Variants in PPIE observed in about 807,000 individuals in gnomAD.
The protein encoded by PPIE is peptidylprolyl isomerase E, also known as peptidyl-prolyl cis-trans isomerase E.
PPIE carries 20 observed loss-of-function variants against 38.4 expected under a neutral mutation model. The observed-to-expected ratio is 0.52, with a 90% confidence interval of 0.37 to 0.76. The LOEUF is 0.76. PPIE is among the 30% of genes least tolerant of loss of function. PPIE has a pLI of 0.00. For synonymous variants in PPIE, 142 were observed against 135.7 expected (o/e 1.05, Z -0.32); for missense variants, 322 against 385.8 (o/e 0.83, Z 1.39).
intron 7 of PPIE, chr1:39,745,708 G>A (rs968469120): frequency 5.3e-5 from 32 of 606,720 alleles, no homozygotes; most frequent in East Asian, 1.8e-4. Flanking sequence ...TTTTTTAATC[G>A]TTTTTTAAAA....
chr1:39,762,597 C>G (rs1261910033), intron 9 of PPIE: 33 of 1,550,060 alleles, frequency 2.1e-5, no homozygotes, highest in Non-Finnish European at 2.7e-5. Context: ...GGGGGAAAAG[C>G]CAAAAGGTTG....
At chr1:39,739,947 T>C (rs1194030923) in intron 1 of PPIE, 2 of 480,080 alleles carry the variant, frequency 4.2e-6, no homozygotes, top group East Asian at 3.5e-5. Context: ...TGTGAAGCTA[T>C]TGCAGTAATC....
At chr1:39,760,527 A>G (rs1173831957), downstream of PPIE, 12 of 1,614,086 alleles carry the variant, frequency 7.4e-6, no homozygotes, top group Non-Finnish European at 1.0e-5. Context: ...TGGTGGGTGC[A>G]CAGCACGCCT....
rs771374286 is a variant in PPIE, at chr1:39,748,965, C to T, written c.571C>T (p.Arg191Cys). The T allele has an allele frequency of 8.7e-6, 14 of 1,613,926 alleles. No individual in the cohort carries two copies. Among genetic ancestry groups the T allele is most frequent in the South Asian group, 5.5e-5 (5 of 91,074 alleles). Residue 191 changes from arginine to cysteine, a missense_variant, in exon 8 of 10, where the codon CGC (arginine) becomes TGC (cysteine). Coordinates refer to ENST00000324379, the MANE Select transcript of PPIE (RefSeq NM_006112.4). ...GFGFKGSSFH[R>C]IIPQFMCQGG... The stretch of plus-strand genomic sequence containing the variant: ...TGGCTTTAAGGGAAGCAGCTTCCAC[C>T]GCATCATCCCCCAGTTCATGTGCCA...
downstream of PPIE, chr1:39,758,087 A>G (rs531332424): frequency 6.6e-6 from 1 of 152,364 alleles, no homozygotes; most frequent in African/African-American, 2.4e-5. Flanking sequence ...ATGCCAGATC[A>G]TTGGCTGGGC....
chr1:39,763,051 C>T (rs764688747), intron 9 of PPIE: 22 of 1,602,928 alleles, frequency 1.4e-5, no homozygotes, highest in Admixed American at 1.3e-4. Context: ...CCACAGGGCC[C>T]CCCACCCCAG....
chr1:39,744,105 G>A (rs182376539), intron 6 of PPIE, among the ~76,000 whole-genome samples, 181 bp downstream of exon 6: 8 of 152,218 alleles, frequency 5.3e-5, no homozygotes, highest in Admixed American at 3.9e-4. Flanking sequence ...AGTCAATATC[G>A]AGTGAATTCA....
intron 4 of PPIE, 81 bp downstream of exon 4, chr1:39,742,002 A>G: frequency 6.7e-7 from 1 of 1,490,380 alleles, no homozygotes; most frequent in East Asian, 2.3e-5. Flanking sequence ...AGTGTTCTGG[A>G]CTTCCAAAGT....
At chr1:39,739,147 A>G (rs568166906) in intron 1 of PPIE, 8 of 442,294 alleles carry the variant, frequency 1.8e-5, no homozygotes, top group Non-Finnish European at 2.7e-5. Context: ...AGCAGTACGC[A>G]CTTCTCCAGC....
At chr1:39,753,082 AC>A (rs775586374) in intron 9 of PPIE, 30 bp downstream of exon 9, 1 of 1,613,366 alleles carries the variant, frequency 6.2e-7, no homozygotes, top group Non-Finnish European at 8.5e-7. Context: ...CCTCCTCCTT[AC>A]CCAGGCCCTA....
intron 4 of PPIE, chr1:39,742,361 C>T (rs1647079851): frequency 6.3e-6 from 1 of 158,234 alleles, no homozygotes; most frequent in African/African-American, 2.4e-5. Flanking sequence ...TGATGATGCT[C>T]TTTAGTATTT....
chr1:39,755,207 G>A lies in PPIE; in HGVS notation c.*1852G>A. The A allele has an allele frequency of 1.0e-6, 1 of 985,466 alleles. No homozygotes were observed. The highest frequency in any genetic ancestry group is 1.2e-6 in the Non-Finnish European group (1 of 829,932). 61.0% of individuals were successfully genotyped at this position (985,466 alleles called of 1,614,324 possible). Reference sequence around the variant, plus strand: ...CTGTAGCTGTTGGACACCTCCTGTGGGTTGGGTCACTCAGACCATTCAGAA... The same window carrying A: ...CTGTAGCTGTTGGACACCTCCTGTGAGTTGGGTCACTCAGACCATTCAGAA... On this transcript the variant is annotated 3_prime_UTR_variant, in exon 10 of 10. Coordinates refer to ENST00000324379, the MANE Select transcript of PPIE (RefSeq NM_006112.4).
chr1:39,761,830 C>T (rs886858560), intron 9 of PPIE, among the ~76,000 whole-genome samples: 8 of 152,244 alleles, frequency 5.3e-5, no homozygotes, highest in South Asian at 2.1e-4. Context: ...GTCACCTCCA[C>T]GGTTGTTTTG....
downstream of PPIE, chr1:39,759,578 T>C (rs1648667902): frequency 4.6e-5 from 7 of 152,254 alleles, no homozygotes; most frequent in Admixed American, 4.6e-4. Flanking sequence ...TGCTGTGCAT[T>C]GTCATCCTGG....
At position 39,753,464 on chromosome 1, in the gene PPIE, AT is replaced by A; in HGVS notation, c.*112del. The A allele has an allele frequency of 6.6e-7, 1 of 1,524,220 alleles. No individual in the cohort carries two copies. The highest frequency in any genetic ancestry group is 8.8e-7 in the Non-Finnish European group (1 of 1,137,148). 94.4% of individuals were successfully genotyped at this position (1,524,220 alleles called of 1,614,324 possible). On this transcript the variant is annotated 3_prime_UTR_variant, in exon 10 of 10. Transcript: ENST00000324379. ...AGGGTGCCTGTTTGAAGCAAGCAGCATTTGGGATATGTGCCCTTCCTCAGGG... is the reference window on the plus strand; with the variant it reads ...AGGGTGCCTGTTTGAAGCAAGCAGCATTGGGATATGTGCCCTTCCTCAGGG...
chr1:39,741,599 C>G, intron 3 of PPIE, 190 bp downstream of exon 3: 2 of 652,896 alleles, frequency 3.1e-6, no homozygotes, highest in Non-Finnish European at 5.3e-6. Context: ...ACATGTCAGA[C>G]CTGCCAGGCC....
At chr1:39,753,247 G>A in intron 9 of PPIE, 40 bp from the exon 10 acceptor site, 1 of 1,611,306 alleles carries the variant, frequency 6.2e-7, no homozygotes, top group Non-Finnish European at 8.5e-7. Context: ...ACCACTGTTA[G>A]TCTCCGGCCT....
intron 1 of PPIE, 64 bp from the exon 2 acceptor site, chr1:39,740,101 G>A: frequency 7.6e-7 from 1 of 1,321,120 alleles, no homozygotes. Flanking sequence ...TGCTAACTGG[G>A]CTGCAAGGAC....
At position 39,762,998 on chromosome 1, in the gene PPIE, G is replaced by A. The variant is rs199884894; in HGVS notation, c.838-691G>A. The A allele has an allele frequency of 4.1e-6, 6 of 1,453,468 alleles. No individual in the cohort carries two copies. In the East Asian group the frequency reaches 1.4e-4, roughly 33 times the overall value. The allele number at this position is 1,453,468 out of a possible 1,614,324, so 90.0% of individuals were successfully genotyped here. A position where few individuals can be genotyped will look rare whatever the true frequency, so the allele number is the denominator to read the frequency against. On this transcript the variant is annotated intron_variant, in intron 9 of 9. Coordinates refer to the PPIE transcript ENST00000356511. ...ACAAAGCCCCCTGAGACGCGGAGCAGGTGGCCTCACTGCCCTCCCAGCCAG... is the reference window on the plus strand; with the variant it reads ...ACAAAGCCCCCTGAGACGCGGAGCAAGTGGCCTCACTGCCCTCCCAGCCAG...
Sources: allele counts gnomAD v4.1 joint callset (sites outside exome capture counted in the v4.1 genomes callset), GRCh38; gene constraint gnomAD v4.1.1; transcripts MANE v1.5; gene names NCBI Gene and HGNC (gene_info 2026-07-23, HGNC 2026-07-21).